Variants in PPP1R13B observed in about 807,000 individuals in gnomAD.
The protein encoded by PPP1R13B is protein phosphatase 1 regulatory subunit 13B.
In PPP1R13B, 44 loss-of-function variants were observed where a neutral mutation model predicts 119.8. That is an observed-to-expected ratio of 0.37 (90% CI 0.29 to 0.47). PPP1R13B has a LOEUF of 0.47. PPP1R13B is among the 20% of genes least tolerant of loss of function. The pLI, the probability that PPP1R13B is intolerant of heterozygous loss-of-function variation, is 0.99. For missense variants in PPP1R13B, 1,227 were observed against 1,413.5 expected (o/e 0.87, Z 2.12); for synonymous variants, 542 against 561.5 (o/e 0.97, Z 0.49).
chr14:103,742,563 T>C lies in PPP1R13B; in HGVS notation c.1320+91A>G. ...ACAATAACAGGATTAACTTGCCTCC[T>C]GACAAGTCATACCCTTTAGCTTAGT... On this transcript the variant is annotated intron_variant, in intron 10 of 16. Coordinates refer to ENST00000202556, the MANE Select transcript of PPP1R13B (RefSeq NM_015316.3). The surrounding 1 kb of genome is among the most constrained non-coding windows in gnomAD (Gnocchi z 4.9). 1 of 1,477,932 alleles carries C rather than the reference T, an allele frequency of 6.8e-7. No individual in the cohort carries two copies. Among genetic ancestry groups the C allele is most frequent in the Non-Finnish European group, 9.1e-7 (1 of 1,099,606 alleles). 91.6% of individuals were successfully genotyped at this position (1,477,932 alleles called of 1,614,324 possible).
rs922608167 is a variant in PPP1R13B, at chr14:103,733,497, C to A, written c.*1657G>T. 6.4e-6 allele frequency: 1 copy of A among 155,706 alleles called. No homozygotes were observed. Among genetic ancestry groups the A allele is most frequent in the African/African-American group, 2.4e-5 (1 of 41,474 alleles). 9.6% of individuals were successfully genotyped at this position (155,706 alleles called of 1,614,324 possible). On this transcript the variant is annotated 3_prime_UTR_variant, in exon 17 of 17. Coordinates refer to ENST00000202556, the MANE Select transcript of PPP1R13B (RefSeq NM_015316.3). ...CTGTTTCACAGACTTGTCCACTTAC[C>A]TTGTCACTAATTTGGGGCTTCTGGG...
At chr14:103,819,516 C>A (rs8020437) in intron 1 of PPP1R13B, among the ~76,000 whole-genome samples, 8,342 of 137,592 alleles carry the variant, frequency 0.061, 580 homozygotes, top group African/African-American at 0.18. Flanking sequence ...AACAAACAAA[C>A]AAAAAAAAAC....
At chr14:103,845,469 G>GT (rs2087007691) in intron 1 of PPP1R13B, among the ~76,000 whole-genome samples, 2 of 152,158 alleles carry the variant, frequency 1.3e-5, no homozygotes, top group Admixed American at 6.5e-5. Flanking sequence ...TAATAGACCT[G>GT]TTTTTTTAAA....
At chr14:103,775,672 G>C (rs1358670704) in intron 4 of PPP1R13B, among the ~76,000 whole-genome samples, 2 of 152,198 alleles carry the variant, frequency 1.3e-5, no homozygotes, top group East Asian at 3.9e-4. Flanking sequence ...TCCCAAGCTT[G>C]GCATGGCAAC....
chr14:103,808,584 C>T (rs1033684301), intron 1 of PPP1R13B, among the ~76,000 whole-genome samples: 2 of 152,206 alleles, frequency 1.3e-5, no homozygotes, highest in Non-Finnish European at 2.9e-5. Flanking sequence ...TGAGCTAAAG[C>T]TTCTTTCCAC....
At chr14:103,810,600 G>A (rs981819994) in intron 1 of PPP1R13B, among the ~76,000 whole-genome samples, 1 of 151,058 alleles carries the variant, frequency 6.6e-6, no homozygotes, top group Non-Finnish European at 1.5e-5. Flanking sequence ...AGTGAAACTC[G>A]TCTCTACTAA....
chr14:103,810,295 G>A (rs1334631161), intron 1 of PPP1R13B, among the ~76,000 whole-genome samples: 3 of 152,008 alleles, frequency 2.0e-5, no homozygotes, highest in Non-Finnish European at 2.9e-5. Flanking sequence ...GGTGGCACAT[G>A]CCTATAATCC....
intron 3 of PPP1R13B, among the ~76,000 whole-genome samples, chr14:103,782,561 A>G (rs1487192942): frequency 2.6e-5 from 4 of 152,190 alleles, no homozygotes; most frequent in Non-Finnish European, 5.9e-5. Context: ...ATTTCCTTCT[A>G]TAGAAGGTGC....
intron 4 of PPP1R13B, among the ~76,000 whole-genome samples, chr14:103,764,936 A>G (rs1225549973): frequency 1.3e-5 from 2 of 152,030 alleles, no homozygotes; most frequent in Admixed American, 6.6e-5. Context: ...CTCCTGCCTC[A>G]ATCTCCCGAG....
intron 9 of PPP1R13B, among the ~76,000 whole-genome samples, chr14:103,746,061 C>T (rs915609159): frequency 6.6e-6 from 1 of 152,246 alleles, no homozygotes; most frequent in African/African-American, 2.4e-5. Context: ...CCGCCTTGGC[C>T]TCCCAAAGTG....
chr14:103,818,552 C>T (rs1487041677), intron 1 of PPP1R13B: 6 of 934,408 alleles, frequency 6.4e-6, no homozygotes, highest in Admixed American at 1.2e-4. Context: ...CAGTTGATTT[C>T]GTCCTCATGG....
chr14:103,745,113 G>A (rs1160938587), intron 9 of PPP1R13B, among the ~76,000 whole-genome samples: 1 of 152,204 alleles, frequency 6.6e-6, no homozygotes, highest in Non-Finnish European at 1.5e-5. Context: ...GCAGTTAGGG[G>A]TTCATGCCAA....
chr14:103,746,291 T>TGGGGGGGGGGGGGG lies in PPP1R13B; in HGVS notation c.1150+81_1150+82insCCCCCCCCCCCCCC. ...TGTGTGGGGCAGAGCCTCAGGAGCC[T>TGGGGGGGGGGGGGG]GCCCCACCCCCCGCCCCTCCACCGC... On this transcript the variant is annotated intron_variant, in intron 9 of 16. Coordinates refer to ENST00000202556, the MANE Select transcript of PPP1R13B (RefSeq NM_015316.3). 7.0e-5 allele frequency: 19 copies of TGGGGGGGGGGGGGG among 272,100 alleles called. 3 individuals carry two copies. Among genetic ancestry groups the TGGGGGGGGGGGGGG allele is most frequent in the East Asian group, 1.9e-4 (2 of 10,450 alleles). 16.9% of individuals were successfully genotyped at this position (272,100 alleles called of 1,614,324 possible). A position where few individuals can be genotyped will look rare whatever the true frequency, so the allele number is the denominator to read the frequency against.
intron 1 of PPP1R13B, chr14:103,804,128 T>C (rs145183302): frequency 2.4e-6 from 2 of 844,038 alleles, no homozygotes; most frequent in Non-Finnish European, 2.9e-6. Flanking sequence ...AATATCATAC[T>C]AGACCATAAG....
At chr14:103,744,961 T>C (rs1210377700) in intron 9 of PPP1R13B, among the ~76,000 whole-genome samples, 1 of 152,180 alleles carries the variant, frequency 6.6e-6, no homozygotes, top group African/African-American at 2.4e-5. Flanking sequence ...ACAGGAGACA[T>C]TTCTCACCTT....
At position 103,736,220 on chromosome 14, in the gene PPP1R13B, T is replaced by G. The variant is rs753075017; in HGVS notation, c.3032-18A>C. The G allele has an allele frequency of 6.2e-7, 1 of 1,610,366 alleles. No homozygotes were observed. The highest frequency in any genetic ancestry group is 2.2e-5 in the East Asian group (1 of 44,802). ...CTGCACCCCTGGAGCCAGAGAGCAATGGTCAGGCCTCAGCAGAGGGTGGCC... is the reference window on the plus strand; with the variant it reads ...CTGCACCCCTGGAGCCAGAGAGCAAGGGTCAGGCCTCAGCAGAGGGTGGCC... On this transcript the variant is annotated intron_variant, in intron 15 of 16. Transcript: ENST00000202556.
intron 3 of PPP1R13B, among the ~76,000 whole-genome samples, chr14:103,784,044 T>C (rs755952494): frequency 3.2e-4 from 49 of 152,186 alleles, no homozygotes; most frequent in Non-Finnish European, 6.3e-4. Flanking sequence ...AGTGTGGCGG[T>C]GGGTGCCTGT....
intron 1 of PPP1R13B, among the ~76,000 whole-genome samples, chr14:103,828,132 C>T (rs59320483): frequency 0.056 from 8,470 of 151,968 alleles, 260 homozygotes; most frequent in Middle Eastern, 0.12. Flanking sequence ...TGTAGGAGGC[C>T]GAGGTGGGTG....
At chr14:103,815,615 C>T (rs1409715101) in intron 1 of PPP1R13B, among the ~76,000 whole-genome samples, 2 of 151,828 alleles carry the variant, frequency 1.3e-5, no homozygotes, top group Non-Finnish European at 2.9e-5. Flanking sequence ...AATTATCCTG[C>T]ACGGTGGCGG....
Sources: gnomAD v4.1 joint callset for allele counts (sites outside exome capture counted in the v4.1 genomes callset) on GRCh38, gnomAD v4.1.1 for gene constraint, Gnocchi (gnomAD v3.1) non-coding constraint, MANE v1.5 for transcripts, NCBI Gene and HGNC (gene_info 2026-07-23, HGNC 2026-07-21) for gene names.